ITPR3: variants seen among roughly 807,000 people sequenced by gnomAD.
The protein encoded by ITPR3 is inositol 1,4,5-trisphosphate-gated calcium channel ITPR3.
Under a neutral mutation model 293.2 loss-of-function variants are expected in ITPR3, and 173 were observed. The ratio of observed to expected loss-of-function variants is 0.59; its 90% CI spans 0.52 to 0.67. The LOEUF (loss-of-function observed/expected upper bound fraction) is 0.67, where lower values mean the gene tolerates loss of function less well. Ranked by LOEUF, ITPR3 falls within the 30% of genes least tolerant of loss-of-function variation. The probability of loss-of-function intolerance (pLI) is 0.00; values close to 1 mark genes in which losing one functional copy is unlikely to be tolerated. For synonymous variants in ITPR3, 1,295 were observed against 1,444.4 expected, an observed-to-expected ratio of 0.90 and a Z score of 2.35; for missense variants, 2,796 against 3,592.1, an observed-to-expected ratio of 0.78 and a Z score of 5.66.
In ITPR3 at chr6:33,665,938, C is replaced by A; in HGVS notation, c.1513C>A (p.Arg505=). ...CATGGTCACTAAGCCCAACCGGGAA[C>A]GGCAGAAGCTGATGAGGGAGCAGAA... ...DIMVTKPNRE[R]QKLMREQNIL... is the part of the protein sequence containing the mutation. The change falls in exon 14 of 58, where the codon CGG becomes AGG. Residue 505 remains arginine, a synonymous_variant. Coordinates refer to ENST00000605930, the MANE Select transcript of ITPR3 (RefSeq NM_002224.4). The A allele has an allele frequency of 6.2e-7, 1 of 1,613,874 alleles. No homozygotes were observed. The highest frequency in any genetic ancestry group is 1.1e-5 in the South Asian group (1 of 90,984).
chr6:33,665,331 G>A (rs1166452853), intron 13 of ITPR3, 118 bp downstream of exon 13: 1 of 1,340,688 alleles, frequency 7.5e-7, no homozygotes, highest in Non-Finnish European at 1.0e-6. Flanking sequence ...GTAGGGGACT[G>A]GCCCCTGTGG....
intron 33 of ITPR3, 60 bp downstream of exon 33, chr6:33,680,740 G>C (rs187144725): frequency 4.5e-6 from 7 of 1,563,806 alleles, no homozygotes; most frequent in African/African-American, 1.4e-5. Context: ...TGAAGGGAAG[G>C]GGGGAAATAA....
chr6:33,694,707 GCC>G, intron 56 of ITPR3: 13 of 568,584 alleles, frequency 2.3e-5, no homozygotes, highest in Admixed American at 2.0e-4. Flanking sequence ...ACGGAAGTCA[GCC>G]TGTCTCGGTG....
intron 2 of ITPR3, among the ~76,000 whole-genome samples, chr6:33,646,682 C>T (rs1363634697): frequency 6.6e-6 from 1 of 152,048 alleles, no homozygotes; most frequent in Non-Finnish European, 1.5e-5. Flanking sequence ...GTTTGGGACA[C>T]CCAGGTAGGT....
At chr6:33,674,320 C>T (rs540108472) in intron 24 of ITPR3, 55 bp downstream of exon 24, 15 of 1,556,924 alleles carry the variant, frequency 9.6e-6, no homozygotes, top group East Asian at 4.5e-5. Flanking sequence ...TCGACACCCC[C>T]TCTTGGTCTG....
In ITPR3 at chr6:33,666,624, C is replaced by T. The variant is rs1160411219; in HGVS notation, c.1552-505C>T. 7.4e-5 allele frequency among the ~76,000 whole-genome samples: 11 copies of T among 147,906 alleles called. No homozygotes were observed. The highest frequency in any genetic ancestry group is 4.0e-4 in the East Asian group (2 of 5,030). The stretch of plus-strand genomic sequence containing the variant: ...AAGTTTGTTTTTTTTTTTTTAGAAA[C>T]GAGGATCCAATTAAGGTTTTTTCAT... On this transcript the variant is annotated intron_variant, in intron 14 of 57. Transcript: ENST00000605930. This position sits in a 1 kb window ranked among gnomAD's most constrained non-coding sequence, Gnocchi z 5.1.
At position 33,678,446 on chromosome 6, in the gene ITPR3, T is replaced by G. The variant is rs937655006; in HGVS notation, c.3674T>G (p.Leu1225Arg). The change falls in exon 29 of 58, where the codon CTG (leucine) becomes CGG (arginine). Residue 1225 changes from leucine (L) to arginine (R), a missense_variant. Physicochemically the swap from Leu to Arg is moderately radical, Grantham distance 102. This residue lies in a region of ITPR3 where 344 missense variants were observed against 460.3 expected (regional missense o/e 0.75). Coordinates refer to ENST00000605930, the MANE Select transcript of ITPR3 (RefSeq NM_002224.4). ...GGTGATGCCAAGATGATGGAGATCC[T>G]GCGCTACACGCACCAGTTCCTGCAG... ...DKGDAKMMEI[L>R]RYTHQFLQKF... 1.4e-5 allele frequency: 22 copies of G among 1,613,760 alleles called. No homozygotes were observed. The highest frequency in any genetic ancestry group is 1.9e-5 in the Non-Finnish European group (22 of 1,179,968).
At position 33,683,929 on chromosome 6, in the gene ITPR3, G is replaced by A. The variant is rs982743498; in HGVS notation, c.4789-91G>A. 1.4e-6 allele frequency: 2 copies of A among 1,437,932 alleles called. No individual in the cohort carries two copies. The highest frequency in any genetic ancestry group is 1.9e-6 in the Non-Finnish European group (2 of 1,062,198). 89.1% of individuals were successfully genotyped at this position (1,437,932 alleles called of 1,614,324 possible). On this transcript the variant is annotated intron_variant, in intron 35 of 57. Coordinates refer to ENST00000605930, the MANE Select transcript of ITPR3 (RefSeq NM_002224.4). The surrounding 1 kb of genome is among the most constrained non-coding windows in gnomAD (Gnocchi z 4.5). ...CCCTCAGACAGAGGCAGGGCAATCT[G>A]TGGGGCTGTTTGGCGTTTGGGTCGG...
rs1490172069 is a variant in ITPR3, at chr6:33,677,521, C to T, written c.3540C>T (p.Asn1180=). 1 of 1,613,944 alleles carries T rather than the reference C, an allele frequency of 6.2e-7. No individual in the cohort carries two copies. The highest frequency in any genetic ancestry group is 1.7e-5 in the Admixed American group (1 of 59,994). Residue 1180 remains asparagine, a synonymous_variant, in exon 28 of 58, where the codon AAC becomes AAT. Coordinates refer to ENST00000605930, the MANE Select transcript of ITPR3 (RefSeq NM_002224.4). ...CCCTGCAGATCCTGGAAAGGCTGAACAAGATGTGCGGGGTTGGGGAGCAAA... is the reference window on the plus strand; with the variant it reads ...CCCTGCAGATCCTGGAAAGGCTGAATAAGATGTGCGGGGTTGGGGAGCAAA... ...QIVKGILERL[N]KMCGVGEQMR... is the part of the protein sequence containing the mutation.
chr6:33,686,562 G>A (rs1765237182), intron 43 of ITPR3, 43 bp downstream of exon 43: 1 of 1,370,312 alleles, frequency 7.3e-7, no homozygotes, highest in East Asian at 2.3e-5. Flanking sequence ...GTGTGCATGT[G>A]ATGTGCATGC....
intron 2 of ITPR3, among the ~76,000 whole-genome samples, chr6:33,644,578 C>G (rs1764022776): frequency 6.6e-6 from 1 of 151,842 alleles, no homozygotes; most frequent in Non-Finnish European, 1.5e-5. Flanking sequence ...ATTTTTTACT[C>G]ATGCCTAACA....
At chr6:33,622,755 C>T (rs1307575027) in intron 1 of ITPR3, among the ~76,000 whole-genome samples, 3 of 152,088 alleles carry the variant, frequency 2.0e-5, no homozygotes, top group Non-Finnish European at 4.4e-5. Context: ...GGACAGGGCC[C>T]GGCTCACCCC....
intron 7 of ITPR3, among the ~76,000 whole-genome samples, chr6:33,660,000 A>G (rs1360557344): frequency 6.6e-6 from 1 of 152,162 alleles, no homozygotes; most frequent in Non-Finnish European, 1.5e-5. Flanking sequence ...GGTCCCAGAC[A>G]TGCTGGTGTG....
chr6:33,636,044 T>C (rs1234586519), intron 1 of ITPR3, among the ~76,000 whole-genome samples: 3 of 144,318 alleles, frequency 2.1e-5, no homozygotes, highest in African/African-American at 5.3e-5. Flanking sequence ...CCCAGCACTT[T>C]GGGAGGCCGA....
At chr6:33,669,780 G>A (rs1286988429) in intron 18 of ITPR3, among the ~76,000 whole-genome samples, 1 of 152,180 alleles carries the variant, frequency 6.6e-6, no homozygotes, top group Non-Finnish European at 1.5e-5. Flanking sequence ...GAGAGGTAAA[G>A]GAACTTGCCC....
rs767066957 is a variant in ITPR3 at position 33,684,193 on chromosome 6, GGCA to G, written c.4937+30_4937+32del. ...AGTGAGCGAGACACTGGGGCATGGG[GGCA>G]GCAGGGGTGCAGCGGCAGGGGACAG... On this transcript the variant is annotated intron_variant, in intron 36 of 57. Coordinates refer to ENST00000605930, the MANE Select transcript of ITPR3 (RefSeq NM_002224.4). The surrounding 1 kb of genome is among the most constrained non-coding windows in gnomAD (Gnocchi z 4.2). The G allele has an allele frequency of 7.5e-6, 12 of 1,607,148 alleles. No homozygotes were observed. The highest frequency in any genetic ancestry group is 1.0e-5 in the Non-Finnish European group (12 of 1,178,296).
chr6:33,631,891 G>A (rs1763686816), intron 1 of ITPR3, among the ~76,000 whole-genome samples: 1 of 152,180 alleles, frequency 6.6e-6, no homozygotes, highest in African/African-American at 2.4e-5. Context: ...TTCAGCACCT[G>A]ACCCTATACC....
chr6:33,672,246 G>A lies in ITPR3; in HGVS notation c.2928+18G>A, dbSNP rs375751013. On this transcript the variant is annotated intron_variant, in intron 22 of 57. Coordinates refer to ENST00000605930, the MANE Select transcript of ITPR3 (RefSeq NM_002224.4). This position sits in a 1 kb window ranked among gnomAD's most constrained non-coding sequence, Gnocchi z 5.0. ...TCCTTCAGGTGCCTGGGCCAGGACC[G>A]TGTGGGAGGTGTTGGGTATAGGGGG... is the stretch of plus-strand genomic sequence containing the variant. 1.0e-4 allele frequency: 165 copies of A among 1,606,220 alleles called. No individual in the cohort carries two copies. The African/African-American group carries it at 1.4e-3, about 13-fold the overall frequency.
Position 33,688,092 on chromosome 6 carries a change from C to G in ITPR3, c.6300C>G (p.Leu2100=). Residue 2100 remains leucine (L), a synonymous_variant, in exon 47 of 58, where the codon CTC becomes CTG. Transcript: ENST00000605930. ...SLNNKQLSQM[L]KSSAPAQEEE... is the part of the protein sequence containing the mutation. ...ACAACAAGCAGCTGTCACAGATGCT[C>G]AAGTCCTCAGCGCCAGCACAGGAGG... 4 of 1,614,102 alleles carry G rather than the reference C, an allele frequency of 2.5e-6. No homozygotes were observed. The highest frequency in any genetic ancestry group is 2.5e-6 in the Non-Finnish European group (3 of 1,179,994).
Sources: gnomAD v4.1 joint callset for allele counts (sites outside exome capture counted in the v4.1 genomes callset) on GRCh38, gnomAD v4.1.1 for gene constraint, gnomAD v4.1.1 regional missense constraint, Gnocchi (gnomAD v3.1) non-coding constraint, MANE v1.5 for transcripts, NCBI Gene and HGNC (gene_info 2026-07-23, HGNC 2026-07-21) for gene names.